ANKS1B: variants seen among roughly 807,000 people sequenced by gnomAD.
ANKS1B encodes the protein ankyrin repeat and sterile alpha motif domain-containing protein 1B.
A neutral mutation model predicts 148.3 loss-of-function variants in ANKS1B; 36 were observed. The observed-to-expected ratio is 0.24, with a 90% CI of 0.19 to 0.32. The LOEUF (loss-of-function observed/expected upper bound fraction) is 0.32. ANKS1B is among the 10% of genes least tolerant of loss of function. ANKS1B has a pLI of 1.00. For synonymous variants in ANKS1B, 542 were observed against 560.8 expected (o/e 0.97, Z 0.47); for missense variants, 1,157 against 1,542.6 (o/e 0.75, Z 4.19).
chr12:99,349,479 T>C (rs1041429904), intron 12 of ANKS1B, among the ~76,000 whole-genome samples: 18 of 151,966 alleles, frequency 1.2e-4, no homozygotes, highest in African/African-American at 3.6e-4. Context: ...AGTTAAAGGA[T>C]AGAAAAAGAT....
chr12:98,807,011 C>T, intron 20 of ANKS1B, among the ~76,000 whole-genome samples: 1 of 152,134 alleles, frequency 6.6e-6, no homozygotes, highest in Admixed American at 6.6e-5. Context: ...TCACATGCCG[C>T]CCCAAGAATC....
intron 8 of ANKS1B, among the ~76,000 whole-genome samples, chr12:99,768,242 C>G (rs2153615577): frequency 6.6e-6 from 1 of 152,218 alleles, no homozygotes; most frequent in Non-Finnish European, 1.5e-5. Flanking sequence ...TTTAACTGAA[C>G]CCAAATGCTC....
At chr12:99,236,827 T>C (rs1308529570) in intron 14 of ANKS1B, among the ~76,000 whole-genome samples, 2 of 152,192 alleles carry the variant, frequency 1.3e-5, no homozygotes, top group Non-Finnish European at 2.9e-5. Context: ...GAGACCATTA[T>C]CCTTAGCAAA....
intron 17 of ANKS1B, among the ~76,000 whole-genome samples, chr12:98,889,715 A>G (rs565264363): frequency 6.6e-6 from 1 of 152,350 alleles, no homozygotes; most frequent in East Asian, 1.9e-4. Flanking sequence ...AAAAATGTGT[A>G]GCTTTTGGCT....
intron 8 of ANKS1B, among the ~76,000 whole-genome samples, chr12:99,766,186 A>G (rs1365586460): frequency 6.6e-6 from 1 of 152,168 alleles, no homozygotes; most frequent in Non-Finnish European, 1.5e-5. Context: ...CAGTCAATGA[A>G]CTTTCACTGA....
rs141599896 is a variant in ANKS1B, at chr12:99,630,520, A to G, written c.1272+24547T>C. ...TTGGTATATTCACCTCTGCTGCTTCATAACTGTGTCACCACAACAAGCTAA... is the reference window on the plus strand; with the variant it reads ...TTGGTATATTCACCTCTGCTGCTTCGTAACTGTGTCACCACAACAAGCTAA... On this transcript the variant is annotated intron_variant, in intron 9 of 26. Coordinates refer to ENST00000683438, the MANE Select transcript of ANKS1B (RefSeq NM_001352186.2). Among the ~76,000 whole-genome samples the G allele has an allele frequency of 5.3e-4, 81 of 152,346 alleles. 1 individual carries two copies. The highest frequency in any genetic ancestry group is 1.8e-3 in the African/African-American group (76 of 41,596).
chr12:98,943,255 C>T (rs71440824), intron 17 of ANKS1B, among the ~76,000 whole-genome samples: 2,668 of 152,304 alleles, frequency 0.018, 30 homozygotes, highest in Non-Finnish European at 0.027. Flanking sequence ...TAATCTACTT[C>T]CTTAAGCATC....
intron 12 of ANKS1B, among the ~76,000 whole-genome samples, chr12:99,376,841 C>T (rs2093410022): frequency 6.6e-6 from 1 of 152,130 alleles, no homozygotes; most frequent in African/African-American, 2.4e-5. Flanking sequence ...TAGTTAATTG[C>T]ACCGTTTGTC....
intron 25 of ANKS1B, 48 bp downstream of exon 25, chr12:98,772,994 G>A (rs1434036776): frequency 1.2e-6 from 2 of 1,609,652 alleles, no homozygotes; most frequent in African/African-American, 2.7e-5. Context: ...TACAGTCCAG[G>A]CCCATTCTGC....
At chr12:99,962,933 C>T (rs1177001213) in intron 1 of ANKS1B, among the ~76,000 whole-genome samples, 3 of 151,976 alleles carry the variant, frequency 2.0e-5, no homozygotes, top group Non-Finnish European at 2.9e-5. Flanking sequence ...CCTGCCTCAG[C>T]CTCCGGAGTA....
At chr12:99,778,004 C>A (rs1002647251) in intron 6 of ANKS1B, among the ~76,000 whole-genome samples, 8 of 151,490 alleles carry the variant, frequency 5.3e-5, no homozygotes, top group Non-Finnish European at 7.4e-5. Context: ...CAAGACCATC[C>A]TGGCTAACAT....
At chr12:99,574,220 C>A (rs776860766) in intron 9 of ANKS1B, among the ~76,000 whole-genome samples, 2 of 152,114 alleles carry the variant, frequency 1.3e-5, no homozygotes, top group Non-Finnish European at 2.9e-5. Context: ...TTTTGTTCCA[C>A]CTTATTCCTT....
intron 17 of ANKS1B, among the ~76,000 whole-genome samples, chr12:98,944,287 C>T (rs915131579): frequency 7.1e-5 from 8 of 112,882 alleles, no homozygotes; most frequent in African/African-American, 1.9e-4. Flanking sequence ...GTGACAAGAG[C>T]GAAACTCCAC....
intron 1 of ANKS1B, among the ~76,000 whole-genome samples, chr12:99,880,974 T>G (rs1174091319): frequency 6.6e-6 from 1 of 152,228 alleles, no homozygotes; most frequent in East Asian, 1.9e-4. Flanking sequence ...GGAAGGATGG[T>G]AAAACCTGGA....
intron 8 of ANKS1B, among the ~76,000 whole-genome samples, chr12:99,682,349 C>T (rs1322714903): frequency 2.0e-5 from 3 of 152,082 alleles, no homozygotes; most frequent in African/African-American, 7.2e-5. Context: ...CCAAGATAGA[C>T]CATATATGAT....
intron 14 of ANKS1B, among the ~76,000 whole-genome samples, chr12:99,227,386 A>G (rs1300147191): frequency 6.6e-6 from 1 of 152,228 alleles, no homozygotes; most frequent in African/African-American, 2.4e-5. Context: ...AAGCCTGCAG[A>G]ACCGTGAGCC....
chr12:99,686,392 T>G (rs1483264118), intron 8 of ANKS1B, among the ~76,000 whole-genome samples: 2 of 152,140 alleles, frequency 1.3e-5, no homozygotes, highest in Non-Finnish European at 2.9e-5. Flanking sequence ...AATACCTCAT[T>G]GTAGCCAATC....
intron 17 of ANKS1B, among the ~76,000 whole-genome samples, chr12:98,838,257 C>T (rs910826054): frequency 2.0e-5 from 3 of 152,156 alleles, no homozygotes; most frequent in Non-Finnish European, 4.4e-5. Context: ...CTACAATTTC[C>T]GTTCTCAATG....
chr12:98,921,949 A>G (rs1272975060), intron 17 of ANKS1B, among the ~76,000 whole-genome samples: 2 of 152,222 alleles, frequency 1.3e-5, no homozygotes, highest in Non-Finnish European at 2.9e-5. Flanking sequence ...TACAGCACAA[A>G]AATAGTTTCC....
Sources: gnomAD v4.1 joint callset for allele counts (sites outside exome capture counted in the v4.1 genomes callset) on GRCh38, gnomAD v4.1.1 for gene constraint, MANE v1.5 for transcripts, NCBI Gene and HGNC (gene_info 2026-07-23, HGNC 2026-07-21) for gene names.